Variants in MARCHF10 observed in about 807,000 individuals in gnomAD.
MARCHF10 encodes the protein probable E3 ubiquitin-protein ligase MARCHF10.
Under a neutral mutation model 76.2 loss-of-function variants are expected in MARCHF10, and 64 were observed. The ratio of observed to expected loss-of-function variants is 0.84; its 90% CI spans 0.69 to 1.03. The LOEUF (loss-of-function observed/expected upper bound fraction) is 1.03, where lower values mean the gene tolerates loss of function less well. Among genes scored for constraint, MARCHF10 ranks in the 50% least tolerant of loss-of-function variants. MARCHF10 has a pLI of 0.00. For synonymous variants in MARCHF10, 340 were observed against 357.5 expected (o/e 0.95, Z 0.55); for missense variants, 875 against 958.0 (o/e 0.91, Z 1.14).
At chr17:62,705,341 T>C (rs919193714) in intron 10 of MARCHF10, 198 bp downstream of exon 10, 7 of 1,496,206 alleles carry the variant, frequency 4.7e-6, no homozygotes, top group Admixed American at 2.7e-5. Flanking sequence ...AAAATTCTTA[T>C]CTGCTCTGCA....
Position 62,736,331 on chromosome 17 carries a change from G to A in MARCHF10, c.1537C>T (p.Leu513=), listed in dbSNP as rs772118791. 1 of 1,614,254 alleles carries A rather than the reference G, an allele frequency of 6.2e-7. No individual in the cohort carries two copies. ...GNSGFHVCQP[L]SPIRNRTPFA... is the part of the protein sequence containing the mutation. ...GGAGTCCTATTTCTAATGGGAGACA[G>A]TGGTTGGCAAACATGAAACCCTGAG... Residue 513 remains leucine, a synonymous_variant, in exon 6 of 11, where the codon CTG becomes TTG. Transcript: ENST00000311269.
At chr17:62,739,650 G>C (rs2091431002) in intron 5 of MARCHF10, among the ~76,000 whole-genome samples, 1 of 152,052 alleles carries the variant, frequency 6.6e-6, no homozygotes, top group African/African-American at 2.4e-5. Context: ...CAAAGTGCTG[G>C]GATTACAAGT....
chr17:62,782,345 C>CTT (rs10676023), intron 3 of MARCHF10, among the ~76,000 whole-genome samples: 1,410 of 107,000 alleles, frequency 0.013, 92 homozygotes, highest in African/African-American at 0.037. Context: ...AACAACTGTT[C>CTT]TTTTTTTTTT....
intron 9 of MARCHF10, among the ~76,000 whole-genome samples, chr17:62,708,039 A>G (rs1457779831): frequency 6.6e-6 from 1 of 152,136 alleles, no homozygotes; most frequent in Non-Finnish European, 1.5e-5. Context: ...TCAAAGCTGC[A>G]ATGAGCTGTC....
chr17:62,744,482 C>G lies in MARCHF10; in HGVS notation c.429G>C (p.Leu143=), dbSNP rs199898215. 24 of 1,614,188 alleles carry G rather than the reference C, an allele frequency of 1.5e-5. No individual in the cohort carries two copies. Among genetic ancestry groups the G allele is most frequent in the African/African-American group, 1.1e-4 (8 of 75,054 alleles). The change falls in exon 5 of 11, where the codon CTG becomes CTC. Residue 143 remains leucine, a synonymous_variant. Transcript: ENST00000311269. ...ATTCTGGGCTGACTGTAAATCTCCTCAGGTTTGGCTTCCTCTTTCTTAATA... is the reference window on the plus strand; with the variant it reads ...ATTCTGGGCTGACTGTAAATCTCCTGAGGTTTGGCTTCCTCTTTCTTAATA... ...MVLLRKRKPN[L]RRFTVSPESH...
chr17:62,724,544 GGTGTCTGCTAGCTGGGCACGGCTACTGT>G (rs1332524240), intron 7 of MARCHF10, among the ~76,000 whole-genome samples: 1 of 152,020 alleles, frequency 6.6e-6, no homozygotes, highest in Non-Finnish European at 1.5e-5. Flanking sequence ...TATTTTGCTG[GGTGTCTGCTAGCTGGGCACGGCTACTGT>G]GTGTCTGCTG....
intron 2 of MARCHF10, among the ~76,000 whole-genome samples, chr17:62,793,881 C>T (rs2092934930): frequency 6.7e-6 from 1 of 150,008 alleles, no homozygotes; most frequent in African/African-American, 2.5e-5. Context: ...ACCACCACCA[C>T]CACCACATCC....
intron 1 of MARCHF10, among the ~76,000 whole-genome samples, 184 bp from the exon 2 acceptor site, chr17:62,801,936 T>G (rs1164120371): frequency 6.6e-6 from 1 of 152,214 alleles, no homozygotes; most frequent in Non-Finnish European, 1.5e-5. Context: ...CTTACAGTCC[T>G]CCTGTTCCAG....
At chr17:62,708,519 A>C (rs569406491) in intron 9 of MARCHF10, among the ~76,000 whole-genome samples, 2 of 152,244 alleles carry the variant, frequency 1.3e-5, no homozygotes, top group South Asian at 4.1e-4. Flanking sequence ...GCTGGGATTA[A>C]AGGTGTGAGC....
intron 4 of MARCHF10, among the ~76,000 whole-genome samples, chr17:62,746,452 T>C (rs1015632336): frequency 7.9e-6 from 1 of 125,934 alleles, no homozygotes; most frequent in Admixed American, 8.6e-5. Context: ...GGTGAGAGAG[T>C]GAGAGACAGA....
intron 5 of MARCHF10, chr17:62,737,594 C>A (rs929059282): frequency 2.2e-6 from 1 of 464,420 alleles, no homozygotes; most frequent in South Asian, 2.7e-5. Context: ...CAGAAGCTCC[C>A]GGAAGACTGG....
At chr17:62,758,657 G>A (rs556450420) in intron 4 of MARCHF10, among the ~76,000 whole-genome samples, 1 of 152,346 alleles carries the variant, frequency 6.6e-6, no homozygotes, top group South Asian at 2.1e-4. Context: ...CTTCGTTAAA[G>A]CAATAAAATG....
At chr17:62,732,203 A>G (rs937766371) in intron 6 of MARCHF10, among the ~76,000 whole-genome samples, 1 of 152,224 alleles carries the variant, frequency 6.6e-6, no homozygotes, top group Non-Finnish European at 1.5e-5. Flanking sequence ...AAATATGTCA[A>G]TTCTCCCAGA....
At chr17:62,726,727 C>G (rs2090773964) in intron 6 of MARCHF10, among the ~76,000 whole-genome samples, 1 of 152,174 alleles carries the variant, frequency 6.6e-6, no homozygotes, top group Non-Finnish European at 1.5e-5. Flanking sequence ...CTGCCGGATT[C>G]AAGCGATTCT....
At chr17:62,768,270 G>A (rs766462262) in intron 3 of MARCHF10, among the ~76,000 whole-genome samples, 2 of 152,190 alleles carry the variant, frequency 1.3e-5, no homozygotes, top group Non-Finnish European at 2.9e-5. Flanking sequence ...TGTAGTCCCA[G>A]TACTTTGGGA....
chr17:62,781,547 G>A (rs530811542), intron 3 of MARCHF10, among the ~76,000 whole-genome samples: 23 of 152,308 alleles, frequency 1.5e-4, no homozygotes, highest in African/African-American at 5.1e-4. Context: ...ACTTCTCAGC[G>A]CAGGCTTGAT....
intron 3 of MARCHF10, among the ~76,000 whole-genome samples, chr17:62,782,461 C>T (rs981692514): frequency 6.7e-6 from 1 of 150,172 alleles, no homozygotes; most frequent in Non-Finnish European, 1.5e-5. Context: ...AATTCATCTG[C>T]CTCAGCCTCC....
At chr17:62,754,738 A>G (rs1248691253) in intron 4 of MARCHF10, among the ~76,000 whole-genome samples, 1 of 151,836 alleles carries the variant, frequency 6.6e-6, no homozygotes, top group East Asian at 1.9e-4. Flanking sequence ...AGAGAATATG[A>G]TTCTCTATTA....
At chr17:62,807,657 G>A (rs909318730) in intron 1 of MARCHF10, among the ~76,000 whole-genome samples, 4 of 152,032 alleles carry the variant, frequency 2.6e-5, no homozygotes, top group African/African-American at 7.2e-5. Flanking sequence ...GCTACCACCG[G>A]GAGGCTGAGG....
Sources: allele counts gnomAD v4.1 joint callset (sites outside exome capture counted in the v4.1 genomes callset), GRCh38; gene constraint gnomAD v4.1.1; transcripts MANE v1.5; gene names NCBI Gene and HGNC (gene_info 2026-07-23, HGNC 2026-07-21).